RARB: variants seen among roughly 807,000 people sequenced by gnomAD.
RARB encodes HBV-activated protein.
Under a neutral mutation model 51.9 loss-of-function variants are expected in RARB, and 17 were observed. The observed-to-expected ratio is 0.33, with a 90% CI of 0.22 to 0.49. RARB has a LOEUF of 0.49. Ranked by LOEUF, RARB falls within the 20% of genes least tolerant of loss-of-function variation. The pLI, the probability that RARB is intolerant of heterozygous loss-of-function variation, is 0.99. For synonymous variants in RARB, 215 were observed against 195.4 expected (o/e 1.10, Z -0.84); for missense variants, 369 against 550.8 (o/e 0.67, Z 3.30).
intron 4 of RARB, among the ~76,000 whole-genome samples, chr3:25,149,205 A>G (rs1280722405): frequency 6.6e-6 from 1 of 152,196 alleles, no homozygotes; most frequent in African/African-American, 2.4e-5. Context: ...GAAAAAATAT[A>G]TAGTGGCATT....
intron 2 of RARB, among the ~76,000 whole-genome samples, chr3:24,951,663 A>G (rs1048732043): frequency 6.6e-6 from 1 of 152,138 alleles, no homozygotes; most frequent in Non-Finnish European, 1.5e-5. Context: ...GTCCAAAAGG[A>G]TGTGTCTATA....
chr3:25,248,484 G>T lies in RARB; in HGVS notation c.178+73909G>T, dbSNP rs112290283. On this transcript the variant is annotated intron_variant, in intron 5 of 11. Coordinates refer to the RARB transcript ENST00000383772. ...TTATCATTGTGTTTTGTTTTCTGTA[G>T]TTGTAACCATTGGACCCTTTCCTTT... 7.2e-5 allele frequency among the ~76,000 whole-genome samples: 11 copies of T among 152,210 alleles called. 1 individual carries two copies. The highest frequency in any genetic ancestry group is 2.6e-4 in the African/African-American group (11 of 41,566).
intron 2 of RARB, among the ~76,000 whole-genome samples, chr3:24,907,908 C>A (rs116492817): frequency 6.6e-6 from 1 of 151,914 alleles, no homozygotes; most frequent in Admixed American, 6.6e-5. Context: ...CTCGTCTTCA[C>A]GGGTCTCTTA....
intron 5 of RARB, among the ~76,000 whole-genome samples, chr3:25,332,353 A>T (rs965262058): frequency 6.6e-6 from 1 of 152,224 alleles, no homozygotes; most frequent in Admixed American, 6.5e-5. Context: ...CATCCCTGGG[A>T]TGCAAGGCTG....
At chr3:24,877,839 C>T (rs1703076915) in intron 2 of RARB, among the ~76,000 whole-genome samples, 1 of 152,158 alleles carries the variant, frequency 6.6e-6, no homozygotes, top group East Asian at 1.9e-4. Flanking sequence ...CCACAGGCCT[C>T]CAACACATGT....
intron 5 of RARB, among the ~76,000 whole-genome samples, chr3:25,344,890 T>C (rs1395636764): frequency 6.6e-6 from 1 of 152,212 alleles, no homozygotes; most frequent in Non-Finnish European, 1.5e-5. Context: ...GGAAAGTTTT[T>C]AGGGCTTAAG....
At chr3:24,985,907 A>G (rs1412183265) in intron 2 of RARB, among the ~76,000 whole-genome samples, 2 of 152,254 alleles carry the variant, frequency 1.3e-5, no homozygotes, top group East Asian at 3.8e-4. Context: ...AAAGGACAGG[A>G]CAGAACTGCA....
At chr3:25,082,675 A>T (rs1247024165) in intron 3 of RARB, among the ~76,000 whole-genome samples, 1 of 152,072 alleles carries the variant, frequency 6.6e-6, no homozygotes, top group African/African-American at 2.4e-5. Context: ...CTTTTAATAA[A>T]TTAAGAAGCA....
chr3:25,372,371 AAAATCAC>A (rs1706327259), intron 5 of RARB, among the ~76,000 whole-genome samples: 3 of 152,230 alleles, frequency 2.0e-5, no homozygotes, highest in Non-Finnish European at 4.4e-5. Flanking sequence ...CCTGTGGGAC[AAAATCAC>A]TCCCACATGA....
intron 5 of RARB, among the ~76,000 whole-genome samples, chr3:25,370,663 G>C (rs1706270918): frequency 6.6e-6 from 1 of 152,202 alleles, no homozygotes; most frequent in African/African-American, 2.4e-5. Context: ...CTGGGGATGG[G>C]TAGGAGAGGA....
At chr3:25,224,110 C>T (rs896231968) in intron 5 of RARB, among the ~76,000 whole-genome samples, 1 of 152,164 alleles carries the variant, frequency 6.6e-6, no homozygotes, top group African/African-American at 2.4e-5. Flanking sequence ...GAAGAGGAAA[C>T]TGAACTCTTG....
At chr3:25,577,400 A>G (rs1430969866) in intron 4 of RARB, among the ~76,000 whole-genome samples, 1 of 152,204 alleles carries the variant, frequency 6.6e-6, no homozygotes, top group Non-Finnish European at 1.5e-5. Context: ...GCAAAAACAT[A>G]CAAAATGCAG....
At chr3:24,840,462 G>A (rs1392220777) in intron 1 of RARB, among the ~76,000 whole-genome samples, 1 of 152,150 alleles carries the variant, frequency 6.6e-6, no homozygotes, top group Non-Finnish European at 1.5e-5. Flanking sequence ...GGTTGCTGTG[G>A]GTTCGTAGTG....
At chr3:25,371,399 A>G (rs74737739) in intron 5 of RARB, among the ~76,000 whole-genome samples, 3,745 of 152,294 alleles carry the variant, frequency 0.025, 75 homozygotes, top group Non-Finnish European at 0.04. Flanking sequence ...GTATAATCAG[A>G]TTTAATTTCT....
intron 3 of RARB, among the ~76,000 whole-genome samples, chr3:25,561,314 T>C (rs1215843588): frequency 6.6e-6 from 1 of 152,226 alleles, no homozygotes; most frequent in African/African-American, 2.4e-5. Context: ...TCAAATATCC[T>C]GTAGCATAAA....
intron 3 of RARB, among the ~76,000 whole-genome samples, chr3:25,101,585 CTG>C (rs1216859236): frequency 2.0e-5 from 3 of 150,996 alleles, no homozygotes; most frequent in Non-Finnish European, 4.4e-5. Context: ...AAAGGCAACA[CTG>C]TATTATTTTG....
chr3:25,159,101 C>G (rs1433115120), intron 4 of RARB, among the ~76,000 whole-genome samples: 1 of 149,596 alleles, frequency 6.7e-6, no homozygotes, highest in African/African-American at 2.5e-5. Flanking sequence ...AGTAATGTCT[C>G]TGCCACATTT....
chr3:25,456,348 G>A (rs1360183880), intron 1 of RARB, among the ~76,000 whole-genome samples: 1 of 152,090 alleles, frequency 6.6e-6, no homozygotes, highest in African/African-American at 2.4e-5. Context: ...TTCTTGGGGG[G>A]TGGAGGAAGG....
intron 5 of RARB, among the ~76,000 whole-genome samples, chr3:25,361,509 G>C (rs966925159): frequency 6.6e-6 from 1 of 152,018 alleles, no homozygotes; most frequent in African/African-American, 2.4e-5. Context: ...TCTCCATCCA[G>C]TTTTTTTTCC....
Sources: gnomAD v4.1 joint callset for allele counts (sites outside exome capture counted in the v4.1 genomes callset) on GRCh38, gnomAD v4.1.1 for gene constraint, MANE v1.5 for transcripts, NCBI Gene and HGNC (gene_info 2026-07-23, HGNC 2026-07-21) for gene names.